SYTL2: variants seen among roughly 807,000 people sequenced by gnomAD.
SYTL2 encodes synaptotagmin like 2.
In SYTL2, 165 loss-of-function variants were observed where a neutral mutation model predicts 198.7. The ratio of observed to expected loss-of-function variants is 0.83; its 90% confidence interval spans 0.73 to 0.94. SYTL2 has a LOEUF of 0.94. SYTL2 is among the 40% of genes least tolerant of loss of function. The probability of loss-of-function intolerance (pLI) is 0.00; values close to 1 mark genes in which losing one functional copy is unlikely to be tolerated. For missense variants in SYTL2, 2,835 were observed against 2,582.8 expected (o/e 1.10, Z -2.12); for synonymous variants, 966 against 917.7 (o/e 1.05, Z -0.95).
intron 1 of SYTL2, among the ~76,000 whole-genome samples, chr11:85,783,756 A>G (rs2092597674): frequency 6.6e-6 from 1 of 152,206 alleles, no homozygotes; most frequent in African/African-American, 2.4e-5. Context: ...CTCCAGCCAG[A>G]TTGTCCAATT....
chr11:85,784,381 A>T (rs74604855), intron 1 of SYTL2, among the ~76,000 whole-genome samples: 2 of 152,078 alleles, frequency 1.3e-5, no homozygotes, highest in African/African-American at 4.8e-5. Context: ...AAAAAAAAAA[A>T]TTATGGTAAA....
intron 12 of SYTL2, among the ~76,000 whole-genome samples, chr11:85,713,055 A>G (rs1353127981): frequency 6.6e-6 from 1 of 152,148 alleles, no homozygotes; most frequent in African/African-American, 2.4e-5. Flanking sequence ...TGGCATGCCT[A>G]CTGTTGGCTT....
In SYTL2 at chr11:85,737,568, A is replaced by G. The variant is rs1479375233; in HGVS notation, c.471+7T>C. 8.7e-6 allele frequency: 14 copies of G among 1,609,476 alleles called. No individual in the cohort carries two copies. Among genetic ancestry groups the G allele is most frequent in the Non-Finnish European group, 1.2e-5 (14 of 1,176,844 alleles). On this transcript the variant is annotated splice_region_variant and intron_variant, in intron 5 of 19. Coordinates refer to ENST00000359152, the MANE Select transcript of SYTL2 (RefSeq NM_206927.4). ...TACAAGATTTTCAAAATCTGGGCTC[A>G]GTCTACCTTCTCTGGAGACACATTT... is the stretch of plus-strand genomic sequence containing the variant.
intron 1 of SYTL2, among the ~76,000 whole-genome samples, chr11:85,808,589 C>T (rs1463234100): frequency 6.6e-6 from 1 of 152,124 alleles, no homozygotes; most frequent in African/African-American, 2.4e-5. Flanking sequence ...AACCTTGGTC[C>T]TACTTCTCCA....
upstream of SYTL2, among the ~76,000 whole-genome samples, chr11:85,814,449 G>A (rs2093059192): frequency 6.6e-6 from 1 of 152,228 alleles, no homozygotes; most frequent in Non-Finnish European, 1.5e-5. Flanking sequence ...GAGTAGAAGT[G>A]AGCTTAGAAA....
chr11:85,739,031 C>T (rs1409540232), intron 4 of SYTL2, among the ~76,000 whole-genome samples: 1 of 152,140 alleles, frequency 6.6e-6, no homozygotes, highest in Non-Finnish European at 1.5e-5. Flanking sequence ...CTGAGCTGTA[C>T]CTAGCTATGT....
At chr11:85,821,543 C>T in the SYTL2 span, among the ~76,000 whole-genome samples, 2 of 152,234 alleles carry the variant, frequency 1.3e-5, no homozygotes, top group African/African-American at 4.8e-5. Context: ...AATGGCCAGA[C>T]ATGTTAAAAT....
chr11:85,839,111 G>A, the SYTL2 span, among the ~76,000 whole-genome samples: 2 of 151,990 alleles, frequency 1.3e-5, no homozygotes, highest in African/African-American at 4.8e-5. Flanking sequence ...TGTACATGGG[G>A]GATATTCATG....
intron 12 of SYTL2, among the ~76,000 whole-genome samples, chr11:85,714,004 C>A (rs912418913): frequency 2.0e-5 from 3 of 152,302 alleles, no homozygotes; most frequent in South Asian, 2.1e-4. Context: ...AGTAAATACT[C>A]CTTAAAGCTT....
the SYTL2 span, among the ~76,000 whole-genome samples, chr11:85,846,025 A>C: frequency 6.6e-6 from 1 of 152,224 alleles, no homozygotes; most frequent in Non-Finnish European, 1.5e-5. Flanking sequence ...TGTGGCTTCA[A>C]CTGAGATTAA....
chr11:85,795,881 T>C (rs192064045), intron 1 of SYTL2, among the ~76,000 whole-genome samples: 39 of 152,092 alleles, frequency 2.6e-4, no homozygotes, highest in Non-Finnish European at 4.1e-4. Context: ...GCTGCCACTC[T>C]GGAAATCCCA....
chr11:85,781,282 C>T (rs1366945570), intron 1 of SYTL2, among the ~76,000 whole-genome samples: 4 of 152,108 alleles, frequency 2.6e-5, no homozygotes, highest in Non-Finnish European at 5.9e-5. Flanking sequence ...ACCATCAGAT[C>T]TTGTAAGAAC....
the SYTL2 span, among the ~76,000 whole-genome samples, chr11:85,836,053 G>A: frequency 7.9e-5 from 12 of 152,088 alleles, no homozygotes; most frequent in African/African-American, 2.7e-4. Flanking sequence ...TGTCACCTGC[G>A]GAGGGTAGCT....
chr11:85,702,615 A>G (rs2084510187), intron 16 of SYTL2, among the ~76,000 whole-genome samples: 1 of 152,190 alleles, frequency 6.6e-6, no homozygotes, highest in Non-Finnish European at 1.5e-5. Context: ...CAAAAACTAG[A>G]CCAGATCACA....
chr11:85,795,293 A>G (rs1290534995), intron 1 of SYTL2, among the ~76,000 whole-genome samples: 1 of 151,956 alleles, frequency 6.6e-6, no homozygotes, highest in Non-Finnish European at 1.5e-5. Context: ...TGAAATGATG[A>G]TGGCCTGGCT....
chr11:85,836,191 C>T, the SYTL2 span, among the ~76,000 whole-genome samples: 5 of 152,312 alleles, frequency 3.3e-5, no homozygotes, highest in African/African-American at 9.6e-5. Flanking sequence ...GTTCTCTATG[C>T]GTTCTCACAT....
At chr11:85,843,078 AAG>A in the SYTL2 span, among the ~76,000 whole-genome samples, 1 of 152,168 alleles carries the variant, frequency 6.6e-6, no homozygotes, top group African/African-American at 2.4e-5. Flanking sequence ...AGGAAAATTA[AAG>A]AGTCTAAAAT....
At chr11:85,778,120 G>T (rs1290179898) in intron 1 of SYTL2, among the ~76,000 whole-genome samples, 1 of 151,920 alleles carries the variant, frequency 6.6e-6, no homozygotes, top group Non-Finnish European at 1.5e-5. Flanking sequence ...TGCCCGGCCG[G>T]TCTTCTTACT....
chr11:85,852,610 G>A, the SYTL2 span: 6 of 177,450 alleles, frequency 3.4e-5, no homozygotes, highest in African/African-American at 4.8e-5. Flanking sequence ...TCCTAACCGC[G>A]AGTGATCTGC....
Sources: allele counts gnomAD v4.1 joint callset (sites outside exome capture counted in the v4.1 genomes callset), GRCh38; gene constraint gnomAD v4.1.1; transcripts MANE v1.5; gene names NCBI Gene and HGNC (gene_info 2026-07-23, HGNC 2026-07-21).